BSCL2: variants seen among roughly 807,000 people sequenced by gnomAD.
The protein encoded by BSCL2 is BSCL2 lipid droplet biogenesis associated, seipin, also known as seipin.
A neutral mutation model predicts 57.4 loss-of-function variants in BSCL2; 41 were observed. The observed-to-expected ratio is 0.71, with a 90% confidence interval of 0.56 to 0.93. The LOEUF is 0.93. Ranked by LOEUF, BSCL2 falls within the 40% of genes least tolerant of loss-of-function variation. The probability of loss-of-function intolerance (pLI) is 0.00; values close to 1 mark genes in which losing one functional copy is unlikely to be tolerated. For synonymous variants in BSCL2, 237 were observed against 227.3 expected (o/e 1.04, Z -0.38); for missense variants, 539 against 586.7 (o/e 0.92, Z 0.84).
In BSCL2 at chr11:62,690,479, T is replaced by A. The variant is rs1450251165; in HGVS notation, c.1277A>T (p.Asn426Ile). 1.2e-6 allele frequency: 2 copies of A among 1,614,068 alleles called. No individual in the cohort carries two copies. The highest frequency in any genetic ancestry group is 2.2e-5 in the South Asian group (2 of 91,074). The change falls in exon 11 of 11, where the codon AAC (asparagine) becomes ATC (isoleucine). Residue 426 changes from asparagine (N) to isoleucine (I), a missense_variant. Physicochemically the swap from Asn to Ile is moderately radical, Grantham distance 149. Around this residue, in one of 3 missense-constraint regions of BSCL2, gnomAD observed 248 missense variants for 239.9 expected, o/e 1.03. Coordinates refer to ENST00000360796, the MANE Select transcript of BSCL2 (RefSeq NM_001122955.4). ...AGAAGCAGGAGCAGGAGCAGGCAGGTTGGCCTCCGTCAGCAAAGCTGCATC... is the reference window on the plus strand; with the variant it reads ...AGAAGCAGGAGCAGGAGCAGGCAGGATGGCCTCCGTCAGCAAAGCTGCATC... ...WEDAALLTEA[N>I]LPAPAPASAS...
chr11:62,708,062 G>C (rs1361303714), upstream of BSCL2: 1 of 570,304 alleles, frequency 1.8e-6, no homozygotes, highest in Non-Finnish European at 3.2e-6. Flanking sequence ...TTTGTGTAAG[G>C]TTTAATGATC....
At chr11:62,695,491 CTG>C (rs1298773358) in intron 3 of BSCL2, among the ~76,000 whole-genome samples, 1 of 150,324 alleles carries the variant, frequency 6.7e-6, no homozygotes, top group Non-Finnish European at 1.5e-5. Context: ...GGTGGATCAC[CTG>C]AGGTCAGGAG....
At chr11:62,708,807 G>A (rs2083585466), upstream of BSCL2, 1 of 1,612,142 alleles carries the variant, frequency 6.2e-7, no homozygotes, top group Non-Finnish European at 8.5e-7. Context: ...TCTCCTCTGA[G>A]CTCCCCTGTC....
At chr11:62,694,498 C>G (rs1267022540) in intron 4 of BSCL2, 70 bp downstream of exon 4, 2 of 1,610,378 alleles carry the variant, frequency 1.2e-6, no homozygotes, top group Non-Finnish European at 8.5e-7. Context: ...AGCCACCACA[C>G]CCAGCCCCCT....
intron 2 of BSCL2, among the ~76,000 whole-genome samples, chr11:62,702,962 C>A (rs1444466268): frequency 1.3e-5 from 2 of 151,988 alleles, no homozygotes; most frequent in Non-Finnish European, 2.9e-5. Context: ...ACCAGCCTGA[C>A]CAACATGGAG....
chr11:62,693,017 C>T (rs889442015), intron 4 of BSCL2, among the ~76,000 whole-genome samples: 3 of 152,110 alleles, frequency 2.0e-5, no homozygotes, highest in Non-Finnish European at 2.9e-5. Flanking sequence ...GAGCAAAGGC[C>T]CCTCCTTCCA....
upstream of BSCL2, chr11:62,708,678 G>A (rs762309720): frequency 1.9e-6 from 3 of 1,613,908 alleles, no homozygotes; most frequent in South Asian, 2.2e-5. Context: ...TGTGTCCCAG[G>A]TGTCCAAGGC....
At chr11:62,708,079 C>T (rs1056279527), upstream of BSCL2, 6 of 588,932 alleles carry the variant, frequency 1.0e-5, no homozygotes, top group South Asian at 7.9e-5. Context: ...GATCTGTGGC[C>T]CAGGCCATGA....
chr11:62,702,405 C>CA (rs1945669912), intron 3 of BSCL2, 63 bp downstream of exon 3: 2 of 1,461,384 alleles, frequency 1.4e-6, no homozygotes, highest in Admixed American at 3.5e-5. Context: ...AGGCCTTTCT[C>CA]AAGTCTTCCT....
intron 2 of BSCL2, among the ~76,000 whole-genome samples, chr11:62,703,377 A>T (rs1334613894): frequency 9.7e-6 from 1 of 103,358 alleles, no homozygotes; most frequent in South Asian, 3.3e-4. Context: ...TTTGAGACGG[A>T]GTCTTGCTCT....
chr11:62,699,596 T>G (rs1198436076), intron 3 of BSCL2, among the ~76,000 whole-genome samples: 1 of 151,602 alleles, frequency 6.6e-6, no homozygotes, highest in Non-Finnish European at 1.5e-5. Flanking sequence ...ATCCCAGCAG[T>G]TTGGAAGGAC....
rs749597554 is a variant in BSCL2 at position 62,690,385 on chromosome 11, G to T, written c.1371C>A (p.Pro457=). ...CTTTTCTTCAGGAACTAGAGCAGGT[G>T]GGGCGCTGTCGGAGAGCACCCCCAG... is the stretch of plus-strand genomic sequence containing the variant. ...EPAGGALRQR[P]TCSSS is the part of the protein sequence containing the mutation. The change falls in exon 11 of 11, where the codon CCC becomes CCA. Residue 457 remains proline, a synonymous_variant. Transcript: ENST00000360796. 3 of 1,613,942 alleles carry T rather than the reference G, an allele frequency of 1.9e-6. No homozygotes were observed. The highest frequency in any genetic ancestry group is 2.7e-5 in the African/African-American group (2 of 74,902).
intron 3 of BSCL2, among the ~76,000 whole-genome samples, chr11:62,699,851 G>A (rs1467398021): frequency 6.6e-5 from 10 of 151,448 alleles, no homozygotes; most frequent in African/African-American, 9.7e-5. Flanking sequence ...GCTAATTTTT[G>A]TATTTTTAGT....
At chr11:62,705,730 T>C in intron 1 of BSCL2, 113 bp from the exon 2 acceptor site, 2 of 1,038,652 alleles carry the variant, frequency 1.9e-6, no homozygotes, top group East Asian at 2.6e-5. Context: ...GCAAAGTCAT[T>C]GTTTCATATA....
chr11:62,698,126 C>T (rs1490284217), intron 3 of BSCL2, among the ~76,000 whole-genome samples: 6 of 152,138 alleles, frequency 3.9e-5, no homozygotes, highest in Non-Finnish European at 7.4e-5. Context: ...CCAGGATGGT[C>T]TCCATCTCCT....
intron 2 of BSCL2, 63 bp downstream of exon 2, chr11:62,705,238 T>C (rs1036989690): frequency 7.4e-6 from 11 of 1,478,292 alleles, no homozygotes; most frequent in Non-Finnish European, 1.0e-5. Flanking sequence ...TTGAACTGAA[T>C]GAACTCCAAG....
At chr11:62,703,288 T>C (rs1018511525) in intron 2 of BSCL2, among the ~76,000 whole-genome samples, 1 of 151,070 alleles carries the variant, frequency 6.6e-6, no homozygotes, top group African/African-American at 2.4e-5. Context: ...ACCCCTCCAA[T>C]TGTAGGCAAA....
At position 62,690,700 on chromosome 11, in the gene BSCL2, C is replaced by T. The variant is rs1479503491; in HGVS notation, c.1154-8G>A. On this transcript the variant is annotated splice_region_variant and splice_polypyrimidine_tract_variant and intron_variant, in intron 9 of 10. Transcript: ENST00000360796. ...CCTCGGACAGCTGACCCTCTGCAGC[C>T]AAAAGGGGAATGCAGGGGTCAGACC... 6.2e-7 allele frequency: 1 copy of T among 1,613,790 alleles called. No homozygotes were observed. Among genetic ancestry groups the T allele is most frequent in the Non-Finnish European group, 8.5e-7 (1 of 1,180,016 alleles).
At position 62,705,341 on chromosome 11, in the gene BSCL2, G is replaced by A. The variant is rs1285182823; in HGVS notation, c.364C>T (p.Pro122Ser). Reference sequence around the variant, plus strand: ...ACAGGGCTGAGGTGGCTGACTGTCGGCATATAGGAATAGTAGAAGGAGCCA... The same window carrying A: ...ACAGGGCTGAGGTGGCTGACTGTCGACATATAGGAATAGTAGAAGGAGCCA... ...LYGSFYYSYMPTVSHLSPVHF... is the reference protein window; with the variant it reads ...LYGSFYYSYMSTVSHLSPVHF... The change falls in exon 2 of 11, where the codon CCG becomes TCG. Residue 122 changes from proline to serine, a missense_variant. This residue lies in a region of BSCL2 where 218 missense variants were observed against 224.8 expected (regional missense o/e 0.97). Coordinates refer to ENST00000360796, the MANE Select transcript of BSCL2 (RefSeq NM_001122955.4). 6.2e-7 allele frequency: 1 copy of A among 1,613,734 alleles called. No homozygotes were observed. The highest frequency in any genetic ancestry group is 8.5e-7 in the Non-Finnish European group (1 of 1,179,848).
Sources: allele counts gnomAD v4.1 joint callset (sites outside exome capture counted in the v4.1 genomes callset), GRCh38; gene constraint gnomAD v4.1.1; regional missense constraint gnomAD v4.1.1; transcripts MANE v1.5; gene names NCBI Gene and HGNC (gene_info 2026-07-23, HGNC 2026-07-21).